Variants in SNX2 observed in about 807,000 individuals in gnomAD.
SNX2 encodes sorting nexin 2, also known as sorting nexin-2.
Under a neutral mutation model 69.9 loss-of-function variants are expected in SNX2, and 25 were observed. That is an observed-to-expected ratio of 0.36 (90% confidence interval 0.26 to 0.50). The LOEUF is 0.50. Among genes scored for constraint, SNX2 ranks in the 20% least tolerant of loss-of-function variants. The probability of loss-of-function intolerance (pLI) is 0.97; values close to 1 mark genes in which losing one functional copy is unlikely to be tolerated. For missense variants in SNX2, 551 were observed against 613.3 expected (o/e 0.90, Z 1.07); for synonymous variants, 229 against 200.4 (o/e 1.14, Z -1.20).
chr5:122,793,890 G>T (rs1753307250), intron 1 of SNX2, among the ~76,000 whole-genome samples: 1 of 142,026 alleles, frequency 7.0e-6, no homozygotes, highest in South Asian at 2.3e-4. Flanking sequence ...TCCAGCCTGG[G>T]CAAGAAGAGC....
chr5:122,798,500 C>T (rs913568550), intron 2 of SNX2, among the ~76,000 whole-genome samples: 31 of 152,154 alleles, frequency 2.0e-4, no homozygotes, highest in African/African-American at 9.7e-5. Context: ...GCTATTACTG[C>T]TATACCTTGA....
Position 122,815,898 on chromosome 5 carries a change from A to T in SNX2, c.725A>T (p.Tyr242Phe), listed in dbSNP as rs1753889785. 4 of 1,579,542 alleles carry T rather than the reference A, an allele frequency of 2.5e-6. No individual in the cohort carries two copies. The East Asian group carries it at 9.0e-5, about 36-fold the overall frequency. Reference protein sequence around the residue: ...VEKRRAALERYLQRTVKHPTL... With the variant: ...VEKRRAALERFLQRTVKHPTL... The stretch of plus-strand genomic sequence containing the variant: ...AGCAATTTTACTCTTAAATCTAGGT[A>T]TCTTCAAAGAACAGTAAAACATCCA... Residue 242 changes from tyrosine to phenylalanine, a missense_variant and splice_region_variant, in exon 8 of 15, where the codon TAT (tyrosine) becomes TTT (phenylalanine). Physicochemically the swap from Tyr to Phe is conservative, Grantham distance 22. Transcript: ENST00000379516.
At position 122,831,192 on chromosome 5, in the gene SNX2, A is replaced by T. The variant is rs1754282007; in HGVS notation, c.*1544A>T. Among the ~76,000 whole-genome samples, 1 of 152,174 alleles carries T rather than the reference A, an allele frequency of 6.6e-6. No individual in the cohort carries two copies. Among genetic ancestry groups the T allele is most frequent in the African/African-American group, 2.4e-5 (1 of 41,434 alleles). On this transcript the variant is annotated 3_prime_UTR_variant, in exon 15 of 15. Coordinates refer to ENST00000379516, the MANE Select transcript of SNX2 (RefSeq NM_003100.4). ...GTCACTGGATACAATTTATATATCG[A>T]AGTATCCTTAGCATGTGTTTGCTTC... is the stretch of plus-strand genomic sequence containing the variant.
Position 122,829,820 on chromosome 5 carries a change from T to G in SNX2, c.*172T>G, listed in dbSNP as rs1461183356. ...CACACACACACACACACTCTGACAT[T>G]TTATTACAAGCTGCATGTCCTGACC... On this transcript the variant is annotated 3_prime_UTR_variant, in exon 15 of 15. Transcript: ENST00000379516. 1.6e-6 allele frequency: 1 copy of G among 606,320 alleles called. No homozygotes were observed. The highest frequency in any genetic ancestry group is 3.0e-6 in the Non-Finnish European group (1 of 334,778). 37.6% of individuals were successfully genotyped at this position (606,320 alleles called of 1,614,324 possible).
chr5:122,824,147 A>G (rs545811043), intron 11 of SNX2, among the ~76,000 whole-genome samples: 313 of 149,386 alleles, frequency 2.1e-3, no homozygotes, highest in Middle Eastern at 6.9e-3. Flanking sequence ...GCTCGCAGTG[A>G]GCTGAGATCG....
chr5:122,780,463 A>T (rs563330416), intron 1 of SNX2, among the ~76,000 whole-genome samples: 45 of 152,278 alleles, frequency 3.0e-4, no homozygotes, highest in Middle Eastern at 3.4e-3. Context: ...AGAAAGTAGA[A>T]TAAGACAGGA....
At chr5:122,791,409 G>T (rs1210560098) in intron 1 of SNX2, among the ~76,000 whole-genome samples, 1 of 152,044 alleles carries the variant, frequency 6.6e-6, no homozygotes, top group Non-Finnish European at 1.5e-5. Context: ...AGCCTCCTGG[G>T]TAGCTGGGAT....
chr5:122,801,023 G>A (rs186096177), intron 3 of SNX2, among the ~76,000 whole-genome samples: 34 of 152,074 alleles, frequency 2.2e-4, no homozygotes, highest in Admixed American at 4.6e-4. Flanking sequence ...TTTCCTTCGC[G>A]TCCAGAAGAA....
chr5:122,797,130 G>T (rs2085260222), intron 2 of SNX2, among the ~76,000 whole-genome samples: 1 of 152,140 alleles, frequency 6.6e-6, no homozygotes, highest in Non-Finnish European at 1.5e-5. Flanking sequence ...ATCTTGCTAT[G>T]TTGCCCAGGC....
chr5:122,790,768 T>G (rs535391302), intron 1 of SNX2, among the ~76,000 whole-genome samples: 6 of 152,262 alleles, frequency 3.9e-5, no homozygotes, highest in Non-Finnish European at 8.8e-5. Context: ...AAGTAGGACT[T>G]TGGGAAAATA....
intron 1 of SNX2, among the ~76,000 whole-genome samples, chr5:122,791,687 G>C (rs1291507023): frequency 6.6e-6 from 1 of 152,268 alleles, no homozygotes; most frequent in Non-Finnish European, 1.5e-5. Flanking sequence ...AGAGTGCTGG[G>C]ATTACAGGCG....
chr5:122,802,062 T>C lies in SNX2; in HGVS notation c.458-19T>C, dbSNP rs768916224. Reference sequence around the variant, plus strand: ...TTTATGCATGTGATTTTAATAGTAGTGTTTGACTTTTTTTGCAGGTGATGG... The same window carrying C: ...TTTATGCATGTGATTTTAATAGTAGCGTTTGACTTTTTTTGCAGGTGATGG... On this transcript the variant is annotated intron_variant, in intron 4 of 14. Coordinates refer to ENST00000379516, the MANE Select transcript of SNX2 (RefSeq NM_003100.4). 1.2e-6 allele frequency: 2 copies of C among 1,608,070 alleles called. No homozygotes were observed. Among genetic ancestry groups the C allele is most frequent in the South Asian group, 1.1e-5 (1 of 90,970 alleles).
Position 122,829,730 on chromosome 5 carries a change from C to G in SNX2, c.*82C>G. ...CCACAGTGAAATCATTTAAAACCATCTAAATAAACCACTATATATTTTATG... is the reference window on the plus strand; with the variant it reads ...CCACAGTGAAATCATTTAAAACCATGTAAATAAACCACTATATATTTTATG... On this transcript the variant is annotated 3_prime_UTR_variant, in exon 15 of 15. Transcript: ENST00000379516. 8.7e-6 allele frequency: 9 copies of G among 1,030,448 alleles called. No individual in the cohort carries two copies. Among genetic ancestry groups the G allele is most frequent in the East Asian group, 4.9e-5 (2 of 40,744 alleles). The allele number at this position is 1,030,448 out of a possible 1,614,324, so 63.8% of individuals were successfully genotyped here.
At chr5:122,819,055 G>C in intron 11 of SNX2, 32 bp downstream of exon 11, 1 of 1,531,002 alleles carries the variant, frequency 6.5e-7, no homozygotes, top group Non-Finnish European at 9.0e-7. Flanking sequence ...TCTCACTTGT[G>C]TCGTGTACTT....
At chr5:122,809,091 A>T (rs1164699599) in intron 7 of SNX2, among the ~76,000 whole-genome samples, 1 of 152,172 alleles carries the variant, frequency 6.6e-6, no homozygotes, top group Non-Finnish European at 1.5e-5. Context: ...CATCTATACT[A>T]AACATGTGCA....
Position 122,775,134 on chromosome 5 carries a change from G to A in SNX2, c.31G>A (p.Gly11Arg), listed in dbSNP as rs549982759. The change falls in exon 1 of 15, where the codon GGG becomes AGG. Residue 11 changes from glycine to arginine, a missense_variant. Gly to Arg is a moderately radical substitution (Grantham distance 125). Around this residue, in one of 2 missense-constraint regions of SNX2, gnomAD observed 191 missense variants for 162.9 expected, o/e 1.17. Coordinates refer to ENST00000379516, the MANE Select transcript of SNX2 (RefSeq NM_003100.4). MAAEREPPPL[G>R]DGKPTDFEDL... ...GGCCGAGAGGGAACCTCCTCCGCTG[G>A]GGGACGGGAAGCCCACCGACTTTGA... is the stretch of plus-strand genomic sequence containing the variant. 2 of 1,595,444 alleles carry A rather than the reference G, an allele frequency of 1.3e-6. No individual in the cohort carries two copies. Among genetic ancestry groups the A allele is most frequent in the Non-Finnish European group, 1.7e-6 (2 of 1,172,788 alleles).
chr5:122,779,432 G>A (rs1752921368), intron 1 of SNX2, among the ~76,000 whole-genome samples: 1 of 152,122 alleles, frequency 6.6e-6, no homozygotes, highest in African/African-American at 2.4e-5. Context: ...GGTCTTTTGT[G>A]ACGGGCTTTT....
intron 3 of SNX2, among the ~76,000 whole-genome samples, chr5:122,800,565 A>G (rs1449893796): frequency 6.6e-6 from 1 of 152,218 alleles, no homozygotes; most frequent in African/African-American, 2.4e-5. Context: ...GTTGGCAGGT[A>G]AAGAATGGGT....
chr5:122,805,109 C>T (rs774124187), intron 6 of SNX2, among the ~76,000 whole-genome samples: 34 of 151,578 alleles, frequency 2.2e-4, no homozygotes, highest in African/African-American at 4.6e-4. Context: ...CTGGCCAACA[C>T]GGTGAAACCC....
Sources: allele counts gnomAD v4.1 joint callset (sites outside exome capture counted in the v4.1 genomes callset), GRCh38; gene constraint gnomAD v4.1.1; regional missense constraint gnomAD v4.1.1; transcripts MANE v1.5; gene names NCBI Gene and HGNC (gene_info 2026-07-23, HGNC 2026-07-21).